NECTIN1: variants seen among roughly 807,000 people sequenced by gnomAD.
NECTIN1 encodes the protein nectin cell adhesion molecule 1.
A neutral mutation model predicts 48.0 loss-of-function variants in NECTIN1; 23 were observed. The ratio of observed to expected loss-of-function variants is 0.48; its 90% CI spans 0.34 to 0.68. The LOEUF is 0.68. NECTIN1 is among the 30% of genes least tolerant of loss of function. NECTIN1 has a pLI of 0.01. For synonymous variants in NECTIN1, 270 were observed against 288.9 expected (o/e 0.93, Z 0.66); for missense variants, 591 against 709.9 (o/e 0.83, Z 1.90).
intron 5 of NECTIN1, among the ~76,000 whole-genome samples, chr11:119,650,781 T>C (rs1005813023): frequency 6.6e-6 from 1 of 152,178 alleles, no homozygotes; most frequent in South Asian, 2.1e-4. Flanking sequence ...GTAAGAGTAA[T>C]AATACCTACC....
At chr11:119,722,967 G>A (rs1161115027) in intron 1 of NECTIN1, among the ~76,000 whole-genome samples, 4 of 152,132 alleles carry the variant, frequency 2.6e-5, no homozygotes, top group South Asian at 2.1e-4. Flanking sequence ...TTAAAGATAC[G>A]AAAACTTTGG....
At position 119,664,639 on chromosome 11, in the gene NECTIN1, TG is replaced by T. The variant is rs1181818051; in HGVS notation, c.*107del. The T allele has an allele frequency of 1.3e-5, 19 of 1,409,240 alleles. No homozygotes were observed. Among genetic ancestry groups the T allele is most frequent in the Non-Finnish European group, 1.7e-5 (19 of 1,089,410 alleles). 87.3% of individuals were successfully genotyped at this position (1,409,240 alleles called of 1,614,324 possible). On this transcript the variant is annotated 3_prime_UTR_variant, in exon 6 of 6. Transcript: ENST00000264025. ...GAGTTCGGGGCTGGCTTTGGGCAGCTGGGCAAGTCTCTGTTCAGCTCCTGGA... is the reference window on the plus strand; with the variant it reads ...GAGTTCGGGGCTGGCTTTGGGCAGCTGGCAAGTCTCTGTTCAGCTCCTGGA...
chr11:119,701,075 G>A (rs1289243074), intron 1 of NECTIN1, among the ~76,000 whole-genome samples: 1 of 152,170 alleles, frequency 6.6e-6, no homozygotes, highest in Admixed American at 6.5e-5. Flanking sequence ...CTGGGGAGCA[G>A]GGTGCTTGCT....
Position 119,728,633 on chromosome 11 carries a change from A to C in NECTIN1, c.-80T>G. The C allele has an allele frequency of 1.4e-6, 1 of 707,120 alleles. No homozygotes were observed. The highest frequency in any genetic ancestry group is 2.3e-5 in the South Asian group (1 of 43,182). 43.8% of individuals were successfully genotyped at this position (707,120 alleles called of 1,614,324 possible). On this transcript the variant is annotated 5_prime_UTR_variant, in exon 1 of 6. Coordinates refer to ENST00000264025, the MANE Select transcript of NECTIN1 (RefSeq NM_002855.5). ...AGAAACCAGCCCGGAAGATGAGGGA[A>C]GATCGCTGGCGGTCGGCGGGCGCTC...
At position 119,672,515 on chromosome 11, in the gene NECTIN1, C is replaced by A. The variant is rs1190508200; in HGVS notation, c.1003+2644G>T. On this transcript the variant is annotated intron_variant, in intron 5 of 5. Coordinates refer to ENST00000264025, the MANE Select transcript of NECTIN1 (RefSeq NM_002855.5). This position sits in a 1 kb window ranked among gnomAD's most constrained non-coding sequence, Gnocchi z 4.3. The stretch of plus-strand genomic sequence containing the variant: ...TTCTGTCCGGTCCATCTCCTCGGTG[C>A]CCCCATCGCCACAGCCACAGCCTGG... 6.6e-6 allele frequency among the ~76,000 whole-genome samples: 1 copy of A among 152,162 alleles called. No individual in the cohort carries two copies. Among genetic ancestry groups the A allele is most frequent in the African/African-American group, 2.4e-5 (1 of 41,432 alleles).
Position 119,712,379 on chromosome 11 carries a change from G to C in NECTIN1, c.79+16096C>G, listed in dbSNP as rs542056513. On this transcript the variant is annotated intron_variant, in intron 1 of 5. Coordinates refer to ENST00000264025, the MANE Select transcript of NECTIN1 (RefSeq NM_002855.5). Reference sequence around the variant, plus strand: ...GCCCCCGAGTCTCCACCATAGCCCCGGGCATAGTTTAATCACCTAAGTAAA... The same window carrying C: ...GCCCCCGAGTCTCCACCATAGCCCCCGGCATAGTTTAATCACCTAAGTAAA... 5.6e-3 allele frequency among the ~76,000 whole-genome samples: 667 copies of C among 119,426 alleles called. 20 individuals carry two copies. The Admixed American group carries it at 0.062, about 11-fold the overall frequency. 78.3% of individuals were successfully genotyped at this position (119,426 alleles called of 152,430 possible). A position where few individuals can be genotyped will look rare whatever the true frequency, so the allele number is the denominator to read the frequency against.
intron 1 of NECTIN1, among the ~76,000 whole-genome samples, chr11:119,705,967 C>T (rs576499728): frequency 1.3e-5 from 2 of 151,984 alleles, no homozygotes; most frequent in Admixed American, 6.5e-5. Context: ...CGGGGAGGGG[C>T]GGGGCAGGGG....
At chr11:119,695,518 C>T (rs7129848) in intron 1 of NECTIN1, among the ~76,000 whole-genome samples, 34,080 of 151,968 alleles carry the variant, frequency 0.22, 4,040 homozygotes, top group Admixed American at 0.3. Context: ...ACACCCGGCA[C>T]GCAGTAGGCC....
chr11:119,650,241 T>G (rs1356831438), intron 5 of NECTIN1, among the ~76,000 whole-genome samples: 1 of 152,146 alleles, frequency 6.6e-6, no homozygotes, highest in Non-Finnish European at 1.5e-5. Context: ...GAACCGGCCA[T>G]CTGGATGTGT....
chr11:119,648,370 G>GTGGTGA (rs1864440619), intron 5 of NECTIN1, among the ~76,000 whole-genome samples: 1 of 74,628 alleles, frequency 1.3e-5, no homozygotes, highest in Non-Finnish European at 2.8e-5. Context: ...GCTGGTGATG[G>GTGGTGA]TGGTGATGGT....
At chr11:119,682,747 C>CCAT (rs1260791006) in intron 1 of NECTIN1, among the ~76,000 whole-genome samples, 2 of 152,122 alleles carry the variant, frequency 1.3e-5, no homozygotes, top group African/African-American at 2.4e-5. Flanking sequence ...ATGCTAGCTT[C>CCAT]CATCATCATC....
At chr11:119,679,373 G>A (rs1320511432) in intron 1 of NECTIN1, among the ~76,000 whole-genome samples, 1 of 152,148 alleles carries the variant, frequency 6.6e-6, no homozygotes, top group Non-Finnish European at 1.5e-5. Flanking sequence ...CTGTCATCAT[G>A]GCCACCCCTG....
rs141573833 is a variant in NECTIN1 at position 119,678,586 on chromosome 11, C to T, written c.259G>A (p.Val87Met). The change falls in exon 2 of 6, where the codon GTG becomes ATG. Residue 87 changes from valine (V) to methionine (M), a missense_variant. Physicochemically the swap from Val to Met is conservative, Grantham distance 21. Coordinates refer to ENST00000264025, the MANE Select transcript of NECTIN1 (RefSeq NM_002855.5). The surrounding 1 kb of genome is among the most constrained non-coding windows in gnomAD (Gnocchi z 4.4). ...NVAIYNPSMG[V>M]SVLAPYRERV... ...TCGCGGTAGGGAGCCAGCACGGACA[C>T]GCCCATGGATGGGTTGTAGATGGCC... 1.4e-5 allele frequency: 22 copies of T among 1,614,070 alleles called. 1 individual carries two copies. The highest frequency in any genetic ancestry group is 4.0e-5 in the African/African-American group (3 of 74,912).
rs1286771433 is a variant in NECTIN1, at chr11:119,684,097, C to T, written c.80-5332G>A. On this transcript the variant is annotated intron_variant, in intron 1 of 5. Coordinates refer to ENST00000264025, the MANE Select transcript of NECTIN1 (RefSeq NM_002855.5). The surrounding 1 kb of genome is among the most constrained non-coding windows in gnomAD (Gnocchi z 5.2). ...CCACGCAGCGGGGTGTGGCACACTT[C>T]GCTCCCCACATACCCACTTAAAGCA... is the stretch of plus-strand genomic sequence containing the variant. Among the ~76,000 whole-genome samples the T allele has an allele frequency of 1.3e-5, 2 of 152,256 alleles. No individual in the cohort carries two copies. The highest frequency in any genetic ancestry group is 4.8e-5 in the African/African-American group (2 of 41,478).
In NECTIN1 at chr11:119,728,533, C is replaced by T. The variant is rs965338528; in HGVS notation, c.21G>A (p.Ala7=). The T allele has an allele frequency of 3.8e-6, 6 of 1,591,616 alleles. No homozygotes were observed. Among genetic ancestry groups the T allele is most frequent in the East Asian group, 4.7e-5 (2 of 42,960 alleles). The change falls in exon 1 of 6, where the codon GCG becomes GCA. Residue 7 remains alanine (A), a synonymous_variant. Transcript: ENST00000264025. ...GTCCCCACCAGCGTCCAGCGGCGCC[C>T]GCAAGCCCCATCCGAGCCATCGGGG... MARMGL[A]GAAGRWWGLA... is the part of the protein sequence containing the mutation.
At chr11:119,643,543 G>A (rs1192390032) in intron 5 of NECTIN1, among the ~76,000 whole-genome samples, 1 of 152,184 alleles carries the variant, frequency 6.6e-6, no homozygotes, top group Non-Finnish European at 1.5e-5. Context: ...GCATGGGCCT[G>A]CCATCCCCCT....
At chr11:119,708,523 G>A (rs892489276) in intron 1 of NECTIN1, among the ~76,000 whole-genome samples, 2 of 149,540 alleles carry the variant, frequency 1.3e-5, no homozygotes, top group African/African-American at 2.5e-5. Context: ...GTCACAAAAG[G>A]CCACATACTG....
chr11:119,660,988 C>A (rs761429024), downstream of NECTIN1: 121 of 974,694 alleles, frequency 1.2e-4, no homozygotes, highest in Non-Finnish European at 1.4e-4. Context: ...GGGATGCAAA[C>A]CAGTTTGTTT....
intron 5 of NECTIN1, among the ~76,000 whole-genome samples, chr11:119,647,083 C>G (rs1020088509): frequency 2.0e-5 from 3 of 152,034 alleles, no homozygotes; most frequent in Non-Finnish European, 2.9e-5. Context: ...CCTTCACCAT[C>G]ACCATCCATG....
Sources: gnomAD v4.1 joint callset for allele counts (sites outside exome capture counted in the v4.1 genomes callset) on GRCh38, gnomAD v4.1.1 for gene constraint, Gnocchi (gnomAD v3.1) non-coding constraint, MANE v1.5 for transcripts, NCBI Gene and HGNC (gene_info 2026-07-23, HGNC 2026-07-21) for gene names.